The following SYT16 variants were observed in gnomAD, a reference collection of about 807,000 sequenced individuals.
SYT16 encodes the protein synaptotagmin-16.
A neutral mutation model predicts 61.4 loss-of-function variants in SYT16; 42 were observed. The ratio of observed to expected loss-of-function variants is 0.68; its 90% CI spans 0.53 to 0.89. The LOEUF (loss-of-function observed/expected upper bound fraction) is 0.89, where lower values mean the gene tolerates loss of function less well. Among genes scored for constraint, SYT16 ranks in the 40% least tolerant of loss-of-function variants. SYT16 has a pLI of 0.00. For missense variants in SYT16, 804 were observed against 807.3 expected, an observed-to-expected ratio of 1.00 and a Z score of 0.05; for synonymous variants, 314 against 302.3, an observed-to-expected ratio of 1.04 and a Z score of -0.40.
chr14:61,974,942 A>G (rs2051721875), intron 2 of SYT16, among the ~76,000 whole-genome samples: 1 of 152,242 alleles, frequency 6.6e-6, no homozygotes, highest in Admixed American at 6.5e-5. Context: ...TCTACCTGCA[A>G]CTAAACAGAT....
rs1252430564 is a variant in SYT16 at position 62,081,221 on chromosome 14, C to G, written c.1381C>G (p.Pro461Ala). Reference protein sequence around the residue: ...EKLFYLSHLHPEGEMKVTLVL... With the variant: ...EKLFYLSHLHAEGEMKVTLVL... ...ACTATTCTATCTCAGCCACCTGCACCCAGAAGGGGAAATGAAAGTGACTCT... is the reference window on the plus strand; with the variant it reads ...ACTATTCTATCTCAGCCACCTGCACGCAGAAGGGGAAATGAAAGTGACTCT... Residue 461 changes from proline (P) to alanine (A), a missense_variant, in exon 6 of 8, where the codon CCA (proline) becomes GCA (alanine). Coordinates refer to ENST00000683842, the MANE Select transcript of SYT16 (RefSeq NM_001367656.1). 2.5e-6 allele frequency: 4 copies of G among 1,613,856 alleles called. No homozygotes were observed. The highest frequency in any genetic ancestry group is 3.4e-6 in the Non-Finnish European group (4 of 1,179,870).
intron 1 of SYT16, among the ~76,000 whole-genome samples, chr14:61,873,396 C>T (rs1421943364): frequency 6.6e-6 from 1 of 152,144 alleles, no homozygotes; most frequent in African/African-American, 2.4e-5. Flanking sequence ...GGGTTTGCCT[C>T]GCTTCTCCTT....
rs1226779804 is a variant in SYT16, at chr14:62,109,465, CT to C, written c.*8759del. On this transcript the variant is annotated 3_prime_UTR_variant, in exon 8 of 8. Transcript: ENST00000683842. Reference sequence around the variant, plus strand: ...ATGGCAAATTTTATTAAAGTGCGTGCTCTCAGGAAAAGCTGCATATATTTTA... The same window carrying C: ...ATGGCAAATTTTATTAAAGTGCGTGCCTCAGGAAAAGCTGCATATATTTTA... 1.3e-5 allele frequency: 2 copies of C among 152,006 alleles called. No individual in the cohort carries two copies. Among genetic ancestry groups the C allele is most frequent in the East Asian group, 3.9e-4 (2 of 5,194 alleles). 9.4% of individuals were successfully genotyped at this position (152,006 alleles called of 1,614,324 possible).
chr14:61,921,316 T>A (rs1442386106), intron 1 of SYT16, among the ~76,000 whole-genome samples: 1 of 152,164 alleles, frequency 6.6e-6, no homozygotes, highest in African/African-American at 2.4e-5. Context: ...GCCTCTTGAA[T>A]CAGGTCTAAC....
intron 3 of SYT16, among the ~76,000 whole-genome samples, chr14:62,049,331 A>T (rs984607596): frequency 3.9e-5 from 6 of 152,116 alleles, no homozygotes; most frequent in Non-Finnish European, 7.4e-5. Context: ...TTTGCTTGGT[A>T]GATCTTCCTC....
intron 3 of SYT16, among the ~76,000 whole-genome samples, chr14:62,011,625 A>G (rs2053453185): frequency 6.6e-6 from 1 of 152,076 alleles, no homozygotes; most frequent in Admixed American, 6.6e-5. Flanking sequence ...ACTGAAGAAA[A>G]TGAAGATTCC....
intron 3 of SYT16, among the ~76,000 whole-genome samples, chr14:62,001,907 C>G (rs2053034416): frequency 6.6e-6 from 1 of 151,980 alleles, no homozygotes; most frequent in South Asian, 2.1e-4. Context: ...TTTTTCGTGT[C>G]TAGCATTTTG....
At chr14:61,941,954 C>A (rs1405606925) in intron 1 of SYT16, among the ~76,000 whole-genome samples, 1 of 152,000 alleles carries the variant, frequency 6.6e-6, no homozygotes, top group Non-Finnish European at 1.5e-5. Context: ...GCTTCTTTGG[C>A]CATATATAAA....
intron 1 of SYT16, among the ~76,000 whole-genome samples, chr14:61,866,247 G>T (rs1036978001): frequency 4.6e-5 from 7 of 152,066 alleles, no homozygotes; most frequent in Admixed American, 4.6e-4. Context: ...GACTTGCTGG[G>T]GCTGGGTTAT....
chr14:62,002,455 C>T (rs1339059136), intron 3 of SYT16, among the ~76,000 whole-genome samples: 1 of 89,802 alleles, frequency 1.1e-5, no homozygotes, highest in East Asian at 2.2e-4. Context: ...TTTGCCCCTT[C>T]CCAGGAAAAG....
intron 2 of SYT16, among the ~76,000 whole-genome samples, chr14:61,972,582 T>G (rs1184103348): frequency 2.0e-5 from 3 of 152,206 alleles, no homozygotes; most frequent in Admixed American, 1.3e-4. Flanking sequence ...ACATTTCTCC[T>G]TTTACAAGTT....
rs538663409 is a variant in SYT16 at position 62,088,052 on chromosome 14, G to A, written c.1624+3667G>A. Among the ~76,000 whole-genome samples the A allele has an allele frequency of 5.3e-5, 8 of 152,250 alleles. No homozygotes were observed. The South Asian group carries it at 1.0e-3, about 20-fold the overall frequency. On this transcript the variant is annotated intron_variant, in intron 7 of 7. Coordinates refer to ENST00000683842, the MANE Select transcript of SYT16 (RefSeq NM_001367656.1). The stretch of plus-strand genomic sequence containing the variant: ...TGGAACAACCACTTTGGGAAAAGGC[G>A]TAGAAGCTTTTTTTTATATAAAACT...
chr14:62,105,730 C>T lies in SYT16; in HGVS notation c.*5023C>T, dbSNP rs1449908063. The stretch of plus-strand genomic sequence containing the variant: ...TTTAATCTAGAGAAGTCTTCAGGAG[C>T]AAACCACTTCAAGTTCAGTGTAACC... On this transcript the variant is annotated 3_prime_UTR_variant, in exon 8 of 8. Coordinates refer to ENST00000683842, the MANE Select transcript of SYT16 (RefSeq NM_001367656.1). 3 of 152,158 alleles carry T rather than the reference C, an allele frequency of 2.0e-5. No individual in the cohort carries two copies. Among genetic ancestry groups the T allele is most frequent in the Non-Finnish European group, 2.9e-5 (2 of 68,026 alleles). 9.4% of individuals were successfully genotyped at this position (152,158 alleles called of 1,614,324 possible). A position where few individuals can be genotyped will look rare whatever the true frequency, so the allele number is the denominator to read the frequency against.
At chr14:62,064,034 AC>A (rs1359907499) in intron 3 of SYT16, among the ~76,000 whole-genome samples, 10 of 152,150 alleles carry the variant, frequency 6.6e-5, no homozygotes, top group Admixed American at 6.5e-5. Flanking sequence ...TAATTGTGTA[AC>A]TTTTTTTCTG....
chr14:61,866,178 T>TGTATA (rs2047146607), intron 1 of SYT16, among the ~76,000 whole-genome samples: 1 of 152,020 alleles, frequency 6.6e-6, no homozygotes, highest in South Asian at 2.1e-4. Flanking sequence ...TGAATACTCG[T>TGTATA]GTATAAGTAT....
chr14:61,967,767 T>C (rs2051375038), intron 1 of SYT16, among the ~76,000 whole-genome samples: 1 of 152,152 alleles, frequency 6.6e-6, no homozygotes, highest in African/African-American at 2.4e-5. Context: ...ATGGTGAACA[T>C]ATGTACTTGA....
chr14:61,913,327 TA>T (rs1488360070), intron 1 of SYT16, among the ~76,000 whole-genome samples: 3 of 152,162 alleles, frequency 2.0e-5, no homozygotes, highest in Non-Finnish European at 2.9e-5. Flanking sequence ...GTTCTGGAAA[TA>T]CAGTTTGCTA....
chr14:61,843,685 T>A (rs1483362890), intron 1 of SYT16, among the ~76,000 whole-genome samples: 1 of 152,220 alleles, frequency 6.6e-6, no homozygotes, highest in Non-Finnish European at 1.5e-5. Flanking sequence ...TGTATGCTCT[T>A]GGCACCTTTG....
intron 1 of SYT16, among the ~76,000 whole-genome samples, chr14:61,868,997 A>G (rs1035560218): frequency 1.4e-4 from 21 of 152,050 alleles, no homozygotes; most frequent in African/African-American, 3.6e-4. Context: ...CAAGATTTCT[A>G]TGTACTCCTG....
Sources: gnomAD v4.1 joint callset for allele counts (sites outside exome capture counted in the v4.1 genomes callset) on GRCh38, gnomAD v4.1.1 for gene constraint, MANE v1.5 for transcripts, NCBI Gene and HGNC (gene_info 2026-07-23, HGNC 2026-07-21) for gene names.